GON4L: variants seen among roughly 807,000 people sequenced by gnomAD.
The protein encoded by GON4L is gon-4 like.
GON4L carries 87 observed loss-of-function variants against 211.8 expected under a neutral mutation model. The observed-to-expected ratio is 0.41, with a 90% CI of 0.35 to 0.49. The LOEUF (loss-of-function observed/expected upper bound fraction) is 0.49. GON4L is among the 20% of genes least tolerant of loss of function. The pLI is 0.15. For synonymous variants in GON4L, 875 were observed against 962.6 expected (o/e 0.91, Z 1.68); for missense variants, 2,155 against 2,659.5 (o/e 0.81, Z 4.17).
At chr1:155,831,114 T>C (rs753444002) in intron 2 of GON4L, among the ~76,000 whole-genome samples, 1 of 151,986 alleles carries the variant, frequency 6.6e-6, no homozygotes, top group Non-Finnish European at 1.5e-5. Context: ...GCCTGGTTAA[T>C]GTGGTGAAAC....
At chr1:155,764,032 AAC>A (rs1190067273) in intron 21 of GON4L, among the ~76,000 whole-genome samples, 2 of 151,840 alleles carry the variant, frequency 1.3e-5, no homozygotes, top group Non-Finnish European at 2.9e-5. Context: ...ACAAAAAAAA[AAC>A]ACAGAAAAAA....
At chr1:155,840,515 T>C (rs1468603228) in intron 2 of GON4L, among the ~76,000 whole-genome samples, 6 of 152,200 alleles carry the variant, frequency 3.9e-5, no homozygotes, top group Non-Finnish European at 4.4e-5. Context: ...TGATATATTT[T>C]TACAGCCTCC....
chr1:155,838,181 C>T (rs902371861), intron 2 of GON4L, among the ~76,000 whole-genome samples: 5 of 151,998 alleles, frequency 3.3e-5, no homozygotes, highest in Non-Finnish European at 7.4e-5. Flanking sequence ...GATCACTTGA[C>T]CCCAAGAGGC....
Position 155,750,438 on chromosome 1 carries a change from T to C in GON4L, c.*146A>G. On this transcript the variant is annotated 3_prime_UTR_variant, in exon 32 of 32. Transcript: ENST00000368331. ...GGCAGAGCCCCTGGGTCCTACTCCA[T>C]CCTCCAGCCTTTGTCCTTGTCCTGG... The C allele has an allele frequency of 1.6e-6, 1 of 623,148 alleles. No individual in the cohort carries two copies. The highest frequency in any genetic ancestry group is 2.0e-5 in the South Asian group (1 of 51,248). 38.6% of individuals were successfully genotyped at this position (623,148 alleles called of 1,614,324 possible).
At chr1:155,816,891 T>C (rs555504799) in intron 6 of GON4L, among the ~76,000 whole-genome samples, 4 of 147,944 alleles carry the variant, frequency 2.7e-5, no homozygotes, top group African/African-American at 7.5e-5. Context: ...ATAAAGCAAA[T>C]ATGGCAAAAT....
chr1:155,752,448 C>T lies in GON4L; in HGVS notation c.5985G>A (p.Lys1995=). 1.3e-6 allele frequency: 2 copies of T among 1,571,258 alleles called. No homozygotes were observed. The highest frequency in any genetic ancestry group is 2.4e-5 in the East Asian group (1 of 42,552). ...GAACCTCAGGCCCAACCTGGTTTCT[C>T]TTAACAGTGTACAGTACAGCTCCAG... is the stretch of plus-strand genomic sequence containing the variant. The part of the protein sequence containing the change: ...PTTGAVLYTV[K]RNQVGPEVRS... Residue 1995 remains lysine, a synonymous_variant, in exon 30 of 32, where the codon AAG becomes AAA. Coordinates refer to ENST00000368331, the MANE Select transcript of GON4L (RefSeq NM_001282860.2).
intron 4 of GON4L, 45 bp from the exon 5 acceptor site, chr1:155,821,593 C>T (rs1295118159): frequency 9.1e-7 from 1 of 1,093,824 alleles, no homozygotes; most frequent in Admixed American, 1.7e-5. Flanking sequence ...GGGTTTGTCA[C>T]CTAGACAATA....
intron 2 of GON4L, among the ~76,000 whole-genome samples, chr1:155,833,739 G>GGAGGA (rs1358248192): frequency 1.7e-4 from 1 of 5,742 alleles, no homozygotes; most frequent in Non-Finnish European, 3.7e-3. Flanking sequence ...GGAGGAGAGG[G>GGAGGA]GAGGAGAGGA....
chr1:155,745,944 C>A (rs922704781), downstream of GON4L: 7 of 760,394 alleles, frequency 9.2e-6, no homozygotes, highest in East Asian at 5.4e-5. Context: ...CCCCGAGGAG[C>A]CCTTCGGGAT....
chr1:155,757,411 G>T, intron 25 of GON4L, 88 bp from the exon 26 acceptor site: 1 of 1,178,464 alleles, frequency 8.5e-7, no homozygotes, highest in Non-Finnish European at 1.2e-6. Flanking sequence ...TCCATGTTCT[G>T]CTTTCCCAGT....
intron 29 of GON4L, among the ~76,000 whole-genome samples, chr1:155,753,000 T>C (rs1240719953): frequency 6.6e-6 from 1 of 152,172 alleles, no homozygotes; most frequent in African/African-American, 2.4e-5. Context: ...ATGAAATTTG[T>C]GGCATTCTTA....
chr1:155,776,018 T>C (rs1030600083), intron 16 of GON4L, among the ~76,000 whole-genome samples: 8 of 152,114 alleles, frequency 5.3e-5, no homozygotes, highest in Admixed American at 4.6e-4. Context: ...ACTGGGGTCA[T>C]ATAATCTGCC....
intron 2 of GON4L, among the ~76,000 whole-genome samples, chr1:155,842,233 T>A (rs904051508): frequency 1.3e-5 from 2 of 151,970 alleles, no homozygotes; most frequent in Non-Finnish European, 2.9e-5. Context: ...CTAGTCCTAT[T>A]AAAAACTTGG....
intron 12 of GON4L, among the ~76,000 whole-genome samples, chr1:155,793,610 T>C (rs1345942555): frequency 6.6e-6 from 1 of 152,126 alleles, no homozygotes; most frequent in Non-Finnish European, 1.5e-5. Context: ...CACTAGCCAA[T>C]GATATAATTT....
intron 2 of GON4L, among the ~76,000 whole-genome samples, chr1:155,852,682 G>T (rs1415989103): frequency 6.6e-6 from 1 of 152,316 alleles, no homozygotes; most frequent in African/African-American, 2.4e-5. Context: ...GGCGGAGCTT[G>T]CAGTGAGCCG....
At chr1:155,814,100 A>G (rs1029794617) in intron 9 of GON4L, among the ~76,000 whole-genome samples, 1 of 152,232 alleles carries the variant, frequency 6.6e-6, no homozygotes, top group Non-Finnish European at 1.5e-5. Flanking sequence ...AGAGAAGGGT[A>G]GGAGAAAAGA....
At chr1:155,826,018 C>G (rs1669177321) in intron 3 of GON4L, among the ~76,000 whole-genome samples, 1 of 151,966 alleles carries the variant, frequency 6.6e-6, no homozygotes, top group Non-Finnish European at 1.5e-5. Context: ...ATTCCAGCAG[C>G]CTGGGCAACA....
At position 155,766,447 on chromosome 1, in the gene GON4L, C is replaced by T. The variant is rs758546571; in HGVS notation, c.3026G>A (p.Ser1009Asn). ...GTTGAAGCTGGGCTGGAGAGAGGGG[C>T]TGGGTTGGATAAGGAGGGGCTTCAG... ...SVLKPLLIQPSPSLQPSFNPG... is the reference protein window; with the variant it reads ...SVLKPLLIQPNPSLQPSFNPG... Residue 1009 changes from serine to asparagine, a missense_variant, in exon 21 of 32, where the codon AGC (serine) becomes AAC (asparagine). Physicochemically the swap from Ser to Asn is conservative, Grantham distance 46 (BLOSUM62 1). Around this residue, in one of 6 missense-constraint regions of GON4L, gnomAD observed 615 missense variants for 625.7 expected, o/e 0.98. Transcript: ENST00000368331. The T allele has an allele frequency of 6.2e-7, 1 of 1,613,982 alleles. No homozygotes were observed. Among genetic ancestry groups the T allele is most frequent in the Non-Finnish European group, 8.5e-7 (1 of 1,179,974 alleles).
Position 155,771,111 on chromosome 1 carries a change from T to C in GON4L, c.2602A>G (p.Ile868Val). 2 of 1,614,210 alleles carry C rather than the reference T, an allele frequency of 1.2e-6. No homozygotes were observed. The highest frequency in any genetic ancestry group is 8.5e-7 in the Non-Finnish European group (1 of 1,180,040). The part of the protein sequence containing the change: ...CKTAHQLTVR[I>V]KNLNMNRAPD... ...GCTCTGTTCATGTTGAGGTTCTTGA[T>C]TCTCACTGTCAGTTGGTGGGCAGTT... is the stretch of plus-strand genomic sequence containing the variant. Residue 868 changes from isoleucine (I) to valine (V), a missense_variant, in exon 19 of 32, where the codon ATC becomes GTC. This residue lies in a region of GON4L where 551 missense variants were observed against 854.0 expected (regional missense o/e 0.65). Coordinates refer to ENST00000368331, the MANE Select transcript of GON4L (RefSeq NM_001282860.2).
Sources: allele counts gnomAD v4.1 joint callset (sites outside exome capture counted in the v4.1 genomes callset), GRCh38; gene constraint gnomAD v4.1.1; regional missense constraint gnomAD v4.1.1; transcripts MANE v1.5; gene names NCBI Gene and HGNC (gene_info 2026-07-23, HGNC 2026-07-21).